HOMER2: variants seen among roughly 807,000 people sequenced by gnomAD.
HOMER2 encodes the protein homer scaffold protein 2, also known as homer protein homolog 2.
In HOMER2, 27 loss-of-function variants were observed where a neutral mutation model predicts 47.0. The ratio of observed to expected loss-of-function variants is 0.57; its 90% confidence interval spans 0.42 to 0.79. The LOEUF is 0.79. Among genes scored for constraint, HOMER2 ranks in the 30% least tolerant of loss-of-function variants. The pLI, the probability that HOMER2 is intolerant of heterozygous loss-of-function variation, is 0.00. For missense variants in HOMER2, 443 were observed against 435.0 expected (o/e 1.02, Z -0.16); for synonymous variants, 161 against 163.8 (o/e 0.98, Z 0.13).
Position 82,924,493 on chromosome 15 carries a change from AT to A in HOMER2, c.5+28037del, listed in dbSNP as rs527681545. Among the ~76,000 whole-genome samples the A allele has an allele frequency of 1.2e-3, 180 of 150,496 alleles. 1 individual carries two copies. Among genetic ancestry groups the A allele is most frequent in the Non-Finnish European group, 2.3e-3 (156 of 67,858 alleles). ...GTAGACTTCTCCCGACTTCACTTTTATCTTCTTCAAGCTTCCATCCTCAGAT... is the reference window on the plus strand; with the variant it reads ...GTAGACTTCTCCCGACTTCACTTTTACTTCTTCAAGCTTCCATCCTCAGAT... On this transcript the variant is annotated intron_variant, in intron 1 of 8. Coordinates refer to ENST00000450735, the MANE Select transcript of HOMER2 (RefSeq NM_004839.4).
intron 5 of HOMER2, among the ~76,000 whole-genome samples, chr15:82,856,771 TTCCTAG>T (rs2051601772): frequency 6.6e-6 from 1 of 152,198 alleles, no homozygotes; most frequent in South Asian, 2.1e-4. Context: ...CTTTCTGGAA[TTCCTAG>T]GTCAGATCAC....
At chr15:82,846,373 A>G (rs945631923), downstream of HOMER2, 4 of 152,284 alleles carry the variant, frequency 2.6e-5, no homozygotes, top group African/African-American at 9.6e-5. Flanking sequence ...CTTATCATTT[A>G]TAACAAACAT....
In HOMER2 at chr15:82,851,006, G is replaced by T. The variant is rs1023419659; in HGVS notation, c.843+145C>A. On this transcript the variant is annotated intron_variant, in intron 8 of 8. Coordinates refer to ENST00000450735, the MANE Select transcript of HOMER2 (RefSeq NM_004839.4). Reference sequence around the variant, plus strand: ...AGGGGTGGATGCGGTGCCATCTGGCGTGCAGTCACTGCCAGCTTTTTGTGA... The same window carrying T: ...AGGGGTGGATGCGGTGCCATCTGGCTTGCAGTCACTGCCAGCTTTTTGTGA... 1.1e-4 allele frequency: 72 copies of T among 649,928 alleles called. 1 individual carries two copies. Among genetic ancestry groups the T allele is most frequent in the Non-Finnish European group, 1.1e-4 (42 of 367,316 alleles). 40.3% of individuals were successfully genotyped at this position (649,928 alleles called of 1,614,324 possible).
At chr15:82,963,714 C>T (rs1015425493) in intron 1 of HOMER2, among the ~76,000 whole-genome samples, 18 of 152,164 alleles carry the variant, frequency 1.2e-4, no homozygotes, top group Admixed American at 7.2e-4. Context: ...GAGGGGCTGA[C>T]CTAGCTGCCT....
chr15:82,905,319 T>C (rs1596340524), intron 1 of HOMER2, among the ~76,000 whole-genome samples: 1 of 144,256 alleles, frequency 6.9e-6, no homozygotes, highest in South Asian at 2.2e-4. Flanking sequence ...AGCCAAGAAC[T>C]GTGGGAAAAC....
In HOMER2 at chr15:82,848,996, A is replaced by G. The variant is rs539971221; in HGVS notation, c.*719T>C. The G allele has an allele frequency of 1.3e-5, 2 of 152,230 alleles. No homozygotes were observed. The highest frequency in any genetic ancestry group is 2.9e-5 in the Non-Finnish European group (2 of 68,060). The allele number at this position is 152,230 out of a possible 1,614,324, so 9.4% of individuals were successfully genotyped here. A position where few individuals can be genotyped will look rare whatever the true frequency, so the allele number is the denominator to read the frequency against. On this transcript the variant is annotated 3_prime_UTR_variant, in exon 9 of 9. Transcript: ENST00000450735. ...TCTGTGTACACATTTAATTGAACAA[A>G]TATTTATTAAGCACCTACTTTGTGC...
At chr15:82,981,278 G>C (rs1426288913) in intron 1 of HOMER2, among the ~76,000 whole-genome samples, 1 of 152,212 alleles carries the variant, frequency 6.6e-6, no homozygotes, top group African/African-American at 2.4e-5. Flanking sequence ...TATTGTCCAA[G>C]ATCACGAATG....
intron 1 of HOMER2, among the ~76,000 whole-genome samples, chr15:82,982,601 T>C (rs145089887): frequency 0.018 from 2,735 of 152,308 alleles, 36 homozygotes; most frequent in Admixed American, 0.029. Context: ...CCTTTGAGTG[T>C]CATGTTGGCA....
Position 82,849,374 on chromosome 15 carries a change from A to G in HOMER2, c.*341T>C, listed in dbSNP as rs750025047. On this transcript the variant is annotated 3_prime_UTR_variant, in exon 9 of 9. Coordinates refer to ENST00000450735, the MANE Select transcript of HOMER2 (RefSeq NM_004839.4). Reference sequence around the variant, plus strand: ...TGATGGCTTGGTGTAAAGAATATCAATATTTGGATTACAAAATGCGTGTTT... The same window carrying G: ...TGATGGCTTGGTGTAAAGAATATCAGTATTTGGATTACAAAATGCGTGTTT... 11 of 238,852 alleles carry G rather than the reference A, an allele frequency of 4.6e-5. No homozygotes were observed. The highest frequency in any genetic ancestry group is 1.1e-4 in the Admixed American group (2 of 18,640). The allele number at this position is 238,852 out of a possible 1,614,324, so 14.8% of individuals were successfully genotyped here. A position where few individuals can be genotyped will look rare whatever the true frequency, so the allele number is the denominator to read the frequency against.
chr15:82,952,653 G>C lies in HOMER2; in HGVS notation c.-118C>G, dbSNP rs1319344120. 9.9e-7 allele frequency: 1 copy of C among 1,007,276 alleles called. No homozygotes were observed. The highest frequency in any genetic ancestry group is 1.2e-6 in the Non-Finnish European group (1 of 845,820). The allele number at this position is 1,007,276 out of a possible 1,614,324, so 62.4% of individuals were successfully genotyped here. A position where few individuals can be genotyped will look rare whatever the true frequency, so the allele number is the denominator to read the frequency against. On this transcript the variant is annotated 5_prime_UTR_variant, in exon 1 of 9. Transcript: ENST00000450735. ...GCCCGTGCGCGCCCGGCTCAGCCCC[G>C]GCGCCGCTCCATTCCGCGGGGCTGC...
intron 1 of HOMER2, among the ~76,000 whole-genome samples, chr15:82,944,983 T>A (rs1381196208): frequency 6.6e-6 from 1 of 151,902 alleles, no homozygotes; most frequent in African/African-American, 2.4e-5. Flanking sequence ...CCCTGATATT[T>A]CCAAACAAGG....
intron 1 of HOMER2, among the ~76,000 whole-genome samples, chr15:82,912,727 T>A (rs938142657): frequency 6.6e-6 from 1 of 152,176 alleles, no homozygotes; most frequent in African/African-American, 2.4e-5. Context: ...GCGTTCCAAT[T>A]TGTGCACATT....
At chr15:82,908,728 A>T (rs2053359271) in intron 1 of HOMER2, among the ~76,000 whole-genome samples, 1 of 149,782 alleles carries the variant, frequency 6.7e-6, no homozygotes, top group African/African-American at 2.5e-5. Flanking sequence ...TCTTTTAGTC[A>T]GCTGTTTTGC....
rs2051511606 is a variant in HOMER2, at chr15:82,854,731, T to C, written c.564A>G (p.Thr188=). Residue 188 remains threonine, a synonymous_variant, in exon 6 of 9, where the codon ACA becomes ACG. Transcript: ENST00000450735. ...CACTGGCTGCCGACTCCTGCAGTGC[T>C]GTGGTCAGCCGTGCATTGCTCTCCC... ...TLRESNARLT[T]ALQESAASVE... is the part of the protein sequence containing the mutation. 1 of 1,612,778 alleles carries C rather than the reference T, an allele frequency of 6.2e-7. No homozygotes were observed.
intron 1 of HOMER2, among the ~76,000 whole-genome samples, chr15:82,945,551 T>G (rs2054357247): frequency 6.6e-6 from 1 of 152,094 alleles, no homozygotes; most frequent in Non-Finnish European, 1.5e-5. Context: ...CCCTAAGACG[T>G]GGGATGACAA....
At chr15:82,901,924 T>C (rs1430699058) in intron 1 of HOMER2, among the ~76,000 whole-genome samples, 1 of 152,228 alleles carries the variant, frequency 6.6e-6, no homozygotes, top group African/African-American at 2.4e-5. Flanking sequence ...GTATCTGTCG[T>C]GTTAGCCACA....
chr15:82,869,355 T>A (rs1207185473), intron 3 of HOMER2, among the ~76,000 whole-genome samples: 1 of 151,588 alleles, frequency 6.6e-6, no homozygotes, highest in Non-Finnish European at 1.5e-5. Context: ...ACATTTCTTT[T>A]AAAATAGATT....
At chr15:82,836,718 T>C (rs2051131320), downstream of HOMER2, among the ~76,000 whole-genome samples, 1 of 152,240 alleles carries the variant, frequency 6.6e-6, no homozygotes, top group Non-Finnish European at 1.5e-5. Context: ...CAGACTTGTG[T>C]ATTCATCTGT....
At chr15:82,949,677 T>C (rs940670578) in intron 1 of HOMER2, among the ~76,000 whole-genome samples, 2 of 152,106 alleles carry the variant, frequency 1.3e-5, no homozygotes, top group Non-Finnish European at 2.9e-5. Context: ...AGGAGAGGGA[T>C]GTAGGAGGGA....
Sources: allele counts gnomAD v4.1 joint callset (sites outside exome capture counted in the v4.1 genomes callset), GRCh38; gene constraint gnomAD v4.1.1; transcripts MANE v1.5; gene names NCBI Gene and HGNC (gene_info 2026-07-23, HGNC 2026-07-21).